NOTCH3: variants seen among roughly 807,000 people sequenced by gnomAD.
The protein encoded by NOTCH3 is neurogenic locus notch homolog protein 3.
A neutral mutation model predicts 213.3 loss-of-function variants in NOTCH3; 86 were observed. The ratio of observed to expected loss-of-function variants is 0.40; its 90% confidence interval spans 0.34 to 0.48. The LOEUF (loss-of-function observed/expected upper bound fraction) is 0.48, where lower values mean the gene tolerates loss of function less well. Among genes scored for constraint, NOTCH3 ranks in the 20% least tolerant of loss-of-function variants. The pLI, the probability that NOTCH3 is intolerant of heterozygous loss-of-function variation, is 0.57. For missense variants in NOTCH3, 2,783 were observed against 3,272.6 expected, an observed-to-expected ratio of 0.85 and a Z score of 3.65; for synonymous variants, 1,354 against 1,355.9, an observed-to-expected ratio of 1.00 and a Z score of 0.03.
At chr19:15,188,923 C>T (rs566364303) in intron 8 of NOTCH3, 66 bp downstream of exon 8, 4 of 1,504,478 alleles carry the variant, frequency 2.7e-6, no homozygotes, top group African/African-American at 2.8e-5. Flanking sequence ...CTCAGCTCCC[C>T]ATCCGCGGGC....
rs570392715 is a variant in NOTCH3, at chr19:15,161,691, G to A, written c.5937C>T (p.Ala1979=). ...CAGCCTCATAGCTGCCCTCGCGGGC[G>A]GCCAGGAATAGGGGGGTCTCCTCCT... is the stretch of plus-strand genomic sequence containing the variant. ...DSKEETPLFL[A]AREGSYEAAK... is the part of the protein sequence containing the mutation. The change falls in exon 33 of 33, where the codon GCC becomes GCT. Residue 1979 remains alanine (A), a synonymous_variant. Coordinates refer to ENST00000263388, the MANE Select transcript of NOTCH3 (RefSeq NM_000435.3). 72 of 1,613,824 alleles carry A rather than the reference G, an allele frequency of 4.5e-5. 1 individual carries two copies. In the East Asian group the frequency reaches 4.7e-4, roughly 10 times the overall value.
intron 17 of NOTCH3, 54 bp from the exon 18 acceptor site, chr19:15,181,216 G>T: frequency 1.3e-6 from 2 of 1,502,996 alleles, no homozygotes; most frequent in African/African-American, 1.4e-5. Context: ...CACAGGCCCT[G>T]CCCTCCTTCC....
rs2145382477 is a variant in NOTCH3, at chr19:15,161,392, C to G, written c.6236G>C (p.Gly2079Ala). The G allele has an allele frequency of 6.6e-7, 1 of 1,522,664 alleles. No homozygotes were observed. The highest frequency in any genetic ancestry group is 8.8e-7 in the Non-Finnish European group (1 of 1,135,932). 94.3% of individuals were successfully genotyped at this position (1,522,664 alleles called of 1,614,324 possible). The change falls in exon 33 of 33, where the codon GGG becomes GCG. Residue 2079 changes from glycine (G) to alanine (A), a missense_variant. Transcript: ENST00000263388. ...GGCCAGCGTCAGCTTCTTGCCCCGCCCCCGGGGCCCCTGCGGCCCCAGCCC... is the reference window on the plus strand; with the variant it reads ...GGCCAGCGTCAGCTTCTTGCCCCGCGCCCGGGGCCCCTGCGGCCCCAGCCC... ...KAGLGPQGPR[G>A]RGKKLTLACP...
chr19:15,189,382 G>A lies in NOTCH3; in HGVS notation c.1083C>T (p.His361=), dbSNP rs772903469. 3.1e-6 allele frequency: 5 copies of A among 1,613,830 alleles called. No homozygotes were observed. Among genetic ancestry groups the A allele is most frequent in the Admixed American group, 1.7e-5 (1 of 60,010 alleles). ...GATTTGTGTCACAGATAGCATCCTCGTGGCAGGGGTTGCTGACACAGGCGT... is the reference window on the plus strand; with the variant it reads ...GATTTGTGTCACAGATAGCATCCTCATGGCAGGGGTTGCTGACACAGGCGT... ...LDDACVSNPC[H]EDAICDTNPV... Residue 361 remains histidine, a synonymous_variant, in exon 7 of 33, where the codon CAC becomes CAT. Coordinates refer to ENST00000263388, the MANE Select transcript of NOTCH3 (RefSeq NM_000435.3).
In NOTCH3 at chr19:15,160,745, A is replaced by C; in HGVS notation, c.6883T>G (p.Ser2295Ala). 3 of 1,614,182 alleles carry C rather than the reference A, an allele frequency of 1.9e-6. No homozygotes were observed. The highest frequency in any genetic ancestry group is 2.5e-6 in the Non-Finnish European group (3 of 1,180,018). Residue 2295 changes from serine (S) to alanine (A), a missense_variant, in exon 33 of 33, where the codon TCT (serine) becomes GCT (alanine). Coordinates refer to ENST00000263388, the MANE Select transcript of NOTCH3 (RefSeq NM_000435.3). ...GCCTGAGCAAGGGAGCTGGGAACAGACAAGGGAAGTGGCTGGGCAGGCAGT... is the reference window on the plus strand; with the variant it reads ...GCCTGAGCAAGGGAGCTGGGAACAGCCAAGGGAAGTGGCTGGGCAGGCAGT... The part of the protein sequence containing the change: ...GALPAQPLPL[S>A]VPSSLAQAQT...
rs1453074278 is a variant in NOTCH3 at position 15,161,117 on chromosome 19, C to T, written c.6511G>A (p.Asp2171Asn). Reference sequence around the variant, plus strand: ...GCAGGTGGGGGCAGCCGGGCCCAATCGAGGGGCACAGCCACAGGGTTCAGC... The same window carrying T: ...GCAGGTGGGGGCAGCCGGGCCCAATTGAGGGGCACAGCCACAGGGTTCAGC... ...GLLNPVAVPL[D>N]WARLPPPAPP... The change falls in exon 33 of 33, where the codon GAT becomes AAT. Residue 2171 changes from aspartate to asparagine, a missense_variant. Coordinates refer to ENST00000263388, the MANE Select transcript of NOTCH3 (RefSeq NM_000435.3). 3 of 1,539,534 alleles carry T rather than the reference C, an allele frequency of 1.9e-6. No individual in the cohort carries two copies. Among genetic ancestry groups the T allele is most frequent in the Admixed American group, 2.0e-5 (1 of 51,194 alleles).
At position 15,197,403 on chromosome 19, in the gene NOTCH3, T is replaced by G. The variant is rs1004216993; in HGVS notation, c.197+97A>C. 5.8e-5 allele frequency: 64 copies of G among 1,099,710 alleles called. No individual in the cohort carries two copies. In the African/African-American group the frequency reaches 9.3e-4, roughly 16 times the overall value. 68.1% of individuals were successfully genotyped at this position (1,099,710 alleles called of 1,614,324 possible). A position where few individuals can be genotyped will look rare whatever the true frequency, so the allele number is the denominator to read the frequency against. On this transcript the variant is annotated intron_variant, in intron 2 of 32. Coordinates refer to ENST00000263388, the MANE Select transcript of NOTCH3 (RefSeq NM_000435.3). ...ACACATGTAGGAAGTGGTAGAGACA[T>G]CCATGGTGAACACAGAGGCAGAGGG...
In NOTCH3 at chr19:15,192,045, C is replaced by T. The variant is rs780503776; in HGVS notation, c.594G>A (p.Ala198=). ...GGCATGGTGAGGGTGCACAGGGCAC[C>T]GCGGGGTTCTCACATAGTGGCCCTG... The part of the protein sequence containing the change: ...GYTGPLCENP[A]VPCAPSPCRN... Residue 198 remains alanine, a synonymous_variant, in exon 4 of 33, where the codon GCG becomes GCA. Coordinates refer to ENST00000263388, the MANE Select transcript of NOTCH3 (RefSeq NM_000435.3). 2.8e-5 allele frequency: 45 copies of T among 1,612,968 alleles called. No individual in the cohort carries two copies. The highest frequency in any genetic ancestry group is 6.7e-5 in the African/African-American group (5 of 74,896).
intron 1 of NOTCH3, among the ~76,000 whole-genome samples, chr19:15,199,381 T>C (rs2046993568): frequency 6.6e-6 from 1 of 152,192 alleles, no homozygotes; most frequent in African/African-American, 2.4e-5. Flanking sequence ...CAGCTGTGTG[T>C]TGGTGTGACC....
At chr19:15,186,773 C>T in intron 12 of NOTCH3, 105 bp downstream of exon 12, 1 of 918,050 alleles carries the variant, frequency 1.1e-6, no homozygotes, top group South Asian at 1.3e-5. Context: ...CACGGACAAC[C>T]TCGTTGGACA....
rs1419024906 is a variant in NOTCH3 at position 15,181,037 on chromosome 19, T to G, written c.2918A>C (p.His973Pro). ...ADPCLSRPCL[H>P]GGVCSAAHPG... Reference sequence around the variant, plus strand: ...GTGGGCGGCGCTGCAGACGCCCCCGTGTAGGCAGGGCCGCGAGAGGCAGGG... The same window carrying G: ...GTGGGCGGCGCTGCAGACGCCCCCGGGTAGGCAGGGCCGCGAGAGGCAGGG... The change falls in exon 18 of 33, where the codon CAC (histidine) becomes CCC (proline). Residue 973 changes from histidine to proline, a missense_variant. His to Pro is a moderately conservative substitution (Grantham distance 77). Around this residue, in one of 6 missense-constraint regions of NOTCH3, gnomAD observed 861 missense variants for 909.1 expected, o/e 0.95. Transcript: ENST00000263388. The G allele has an allele frequency of 3.7e-6, 6 of 1,603,364 alleles. No individual in the cohort carries two copies. Among genetic ancestry groups the G allele is most frequent in the Non-Finnish European group, 5.1e-6 (6 of 1,175,764 alleles).
At position 15,187,225 on chromosome 19, in the gene NOTCH3, A is replaced by T; in HGVS notation, c.1720T>A (p.Tyr574Asn). The change falls in exon 11 of 33, where the codon TAC (tyrosine) becomes AAC (asparagine). Residue 574 changes from tyrosine (Y) to asparagine (N), a missense_variant. Physicochemically the swap from Tyr to Asn is moderately radical, Grantham distance 143. Coordinates refer to ENST00000263388, the MANE Select transcript of NOTCH3 (RefSeq NM_000435.3). ...ASFSCACAPG[Y>N]TGTRCESQVD... Reference sequence around the variant, plus strand: ...TGGCTCTCGCAGCGTGTGCCCGTGTAGCCAGGAGCACAGGCACATGAGAAG... The same window carrying T: ...TGGCTCTCGCAGCGTGTGCCCGTGTTGCCAGGAGCACAGGCACATGAGAAG... 2 of 1,614,140 alleles carry T rather than the reference A, an allele frequency of 1.2e-6. No homozygotes were observed. The highest frequency in any genetic ancestry group is 1.7e-6 in the Non-Finnish European group (2 of 1,180,028).
chr19:15,179,124 T>A lies in NOTCH3; in HGVS notation c.3619A>T (p.Asn1207Tyr), dbSNP rs755684125. ...YTGLRCEADI[N>Y]ECRSGACHAA... ...TGGCAGGCACCTGAGCGACACTCAT[T>A]GATGTCTGCCTCGCAGCGCAAACCA... The change falls in exon 22 of 33, where the codon AAT (asparagine) becomes TAT (tyrosine). Residue 1207 changes from asparagine (N) to tyrosine (Y), a missense_variant. Around this residue, in one of 6 missense-constraint regions of NOTCH3, gnomAD observed 861 missense variants for 909.1 expected, o/e 0.95. Transcript: ENST00000263388. 4 of 1,614,052 alleles carry A rather than the reference T, an allele frequency of 2.5e-6. No individual in the cohort carries two copies. The South Asian group carries it at 4.4e-5, about 18-fold the overall frequency.
chr19:15,159,677 G>A lies in NOTCH3; in HGVS notation c.*985C>T, dbSNP rs2046623478. On this transcript the variant is annotated 3_prime_UTR_variant, in exon 33 of 33. Coordinates refer to ENST00000263388, the MANE Select transcript of NOTCH3 (RefSeq NM_000435.3). ...TATTAGGTGGTGAGGGGAGTGGGGG[G>A]CTGTACAATGCAGGGCTTGGGAATT... The A allele has an allele frequency of 8.6e-6, 2 of 232,754 alleles. No individual in the cohort carries two copies. The highest frequency in any genetic ancestry group is 1.7e-5 in the Non-Finnish European group (2 of 117,722). The allele number at this position is 232,754 out of a possible 1,614,324, so 14.4% of individuals were successfully genotyped here.
intron 31 of NOTCH3, among the ~76,000 whole-genome samples, chr19:15,164,806 T>C (rs556535122): frequency 9.2e-5 from 14 of 152,002 alleles, no homozygotes; most frequent in Admixed American, 7.9e-4. Context: ...TTTTTTTTTT[T>C]TGAGATGGAG....
rs1285584068 is a variant in NOTCH3 at position 15,180,732 on chromosome 19, G to C, written c.3091C>G (p.Arg1031Gly). 6.3e-7 allele frequency: 1 copy of C among 1,575,844 alleles called. No individual in the cohort carries two copies. The highest frequency in any genetic ancestry group is 1.9e-5 in the Admixed American group (1 of 53,532). The part of the protein sequence containing the change: ...YCLCPPGWSG[R>G]LCDIRSLPCR... Reference sequence around the variant, plus strand: ...GGCAAGCTTCGGATGTCACAGAGGCGTCCGCTCCATCCAGGGGGACAAAGG... The same window carrying C: ...GGCAAGCTTCGGATGTCACAGAGGCCTCCGCTCCATCCAGGGGGACAAAGG... Residue 1031 changes from arginine (R) to glycine (G), a missense_variant, in exon 19 of 33, where the codon CGC becomes GGC. Coordinates refer to ENST00000263388, the MANE Select transcript of NOTCH3 (RefSeq NM_000435.3).
chr19:15,200,719 C>A, intron 1 of NOTCH3, 69 bp downstream of exon 1: 1 of 1,150,678 alleles, frequency 8.7e-7, no homozygotes, highest in East Asian at 3.7e-5. Flanking sequence ...CCCGCCAGCC[C>A]CGGCCTTGGG....
chr19:15,178,839 G>C lies in NOTCH3; in HGVS notation c.3821C>G (p.Thr1274Ser), dbSNP rs764309761. ...CACACCTACCTGGGCACAGTGACAG[G>C]TGAAGGTCAGCCCACCCCCAGGACC... Reference protein sequence around the residue: ...SPGPGGGLTFTCHCAQPFWGP... With the variant: ...SPGPGGGLTFSCHCAQPFWGP... Residue 1274 changes from threonine (T) to serine (S), a missense_variant, in exon 23 of 33, where the codon ACC becomes AGC. Transcript: ENST00000263388. 1 of 1,598,058 alleles carries C rather than the reference G, an allele frequency of 6.3e-7. No individual in the cohort carries two copies. Among genetic ancestry groups the C allele is most frequent in the Non-Finnish European group, 8.5e-7 (1 of 1,172,314 alleles).
chr19:15,191,538 C>T lies in NOTCH3; in HGVS notation c.922G>A (p.Gly308Ser), dbSNP rs1412202114. ...HSCVCVNGWTGESCSQNIDDC... is the reference protein window; with the variant it reads ...HSCVCVNGWTSESCSQNIDDC... ...TCGATATTCTGACTGCAGCTCTCGC[C>T]TGTCCAGCCATTGACACACACGCAG... The change falls in exon 6 of 33, where the codon GGC becomes AGC. Residue 308 changes from glycine (G) to serine (S), a missense_variant. This residue lies in a region of NOTCH3 where 708 missense variants were observed against 906.6 expected (regional missense o/e 0.78). Coordinates refer to ENST00000263388, the MANE Select transcript of NOTCH3 (RefSeq NM_000435.3). 1 of 1,613,428 alleles carries T rather than the reference C, an allele frequency of 6.2e-7. No homozygotes were observed. The highest frequency in any genetic ancestry group is 8.5e-7 in the Non-Finnish European group (1 of 1,180,030).
Sources: gnomAD v4.1 joint callset for allele counts (sites outside exome capture counted in the v4.1 genomes callset) on GRCh38, gnomAD v4.1.1 for gene constraint, gnomAD v4.1.1 regional missense constraint, MANE v1.5 for transcripts, NCBI Gene and HGNC (gene_info 2026-07-23, HGNC 2026-07-21) for gene names.